Variants in ANKRD53 observed in about 807,000 individuals in gnomAD.
The protein encoded by ANKRD53 is ankyrin repeat domain-containing protein 53.
In ANKRD53, 27 loss-of-function variants were observed where a neutral mutation model predicts 30.1. That is an observed-to-expected ratio of 0.90 (90% confidence interval 0.66 to 1.24). The LOEUF (loss-of-function observed/expected upper bound fraction) is 1.24. Ranked by LOEUF, ANKRD53 falls within the 50% of genes most tolerant of loss-of-function variation. The pLI, the probability that ANKRD53 is intolerant of heterozygous loss-of-function variation, is 0.00. For missense variants in ANKRD53, 682 were observed against 721.0 expected (o/e 0.95, Z 0.62); for synonymous variants, 286 against 295.4 (o/e 0.97, Z 0.33).
At position 70,985,021 on chromosome 2, in the gene ANKRD53, A is replaced by G; in HGVS notation, c.1314A>G (p.Thr438=). The change falls in exon 6 of 6, where the codon ACA becomes ACG. Residue 438 remains threonine (T), a synonymous_variant. Coordinates refer to ENST00000360589, the MANE Select transcript of ANKRD53 (RefSeq NM_001115116.2). ...PDGHGGARLH[T]VDGHWVAPVP... Reference sequence around the variant, plus strand: ...GGCACGGCGGTGCGCGGCTGCACACAGTGGACGGCCACTGGGTGGCGCCCG... The same window carrying G: ...GGCACGGCGGTGCGCGGCTGCACACGGTGGACGGCCACTGGGTGGCGCCCG... 6.5e-7 allele frequency: 1 copy of G among 1,549,316 alleles called. No individual in the cohort carries two copies. The highest frequency in any genetic ancestry group is 8.7e-7 in the Non-Finnish European group (1 of 1,146,612).
chr2:70,980,272 G>A (rs1414582919), intron 3 of ANKRD53, among the ~76,000 whole-genome samples: 1 of 140,762 alleles, frequency 7.1e-6, no homozygotes, highest in Admixed American at 7.3e-5. Flanking sequence ...CTGAGATGGT[G>A]CCATTGCACT....
At position 70,982,965 on chromosome 2, in the gene ANKRD53, C is replaced by T. The variant is rs746198521; in HGVS notation, c.903+268C>T. ...GTATTTCTGGGCCCCTCCTAGTGTA[C>T]TGCCTCTTTCAGGATGAGAACCTTC... On this transcript the variant is annotated intron_variant, in intron 5 of 5. Transcript: ENST00000360589. The surrounding 1 kb of genome is among the most constrained non-coding windows in gnomAD (Gnocchi z 4.2). Among the ~76,000 whole-genome samples, 1 of 152,258 alleles carries T rather than the reference C, an allele frequency of 6.6e-6. No individual in the cohort carries two copies. Among genetic ancestry groups the T allele is most frequent in the Non-Finnish European group, 1.5e-5 (1 of 68,052 alleles).
In ANKRD53 at chr2:70,979,440, T is replaced by C; in HGVS notation, c.417+97T>C. The C allele has an allele frequency of 3.2e-6, 5 of 1,552,468 alleles. No individual in the cohort carries two copies. In the South Asian group the frequency reaches 6.1e-5, roughly 19 times the overall value. ...GAAGAGATATCCTTTTCTGGGTAGATCTTCCTAATTTAACTCATCTTCTGG... is the reference window on the plus strand; with the variant it reads ...GAAGAGATATCCTTTTCTGGGTAGACCTTCCTAATTTAACTCATCTTCTGG... On this transcript the variant is annotated intron_variant, in intron 2 of 5. Transcript: ENST00000360589.
In ANKRD53 at chr2:70,984,604, G is replaced by A; in HGVS notation, c.904-7G>A. 6.2e-7 allele frequency: 1 copy of A among 1,613,500 alleles called. No individual in the cohort carries two copies. Among genetic ancestry groups the A allele is most frequent in the Non-Finnish European group, 8.5e-7 (1 of 1,179,596 alleles). On this transcript the variant is annotated splice_region_variant and splice_polypyrimidine_tract_variant and intron_variant, in intron 5 of 5. Transcript: ENST00000360589. ...CCATGACTCTCTTGTGCCCTCTGTT[G>A]TTGCAGAAAGAGCACAAAATTCTCA...
intron 3 of ANKRD53, among the ~76,000 whole-genome samples, chr2:70,980,310 C>T (rs1310246907): frequency 2.3e-5 from 3 of 128,234 alleles, no homozygotes; most frequent in Admixed American, 1.7e-4. Context: ...AGCGAGACTC[C>T]GTCTCAACAA....
upstream of ANKRD53, chr2:70,978,626 G>GT (rs1553422773): frequency 2.0e-6 from 3 of 1,516,848 alleles, no homozygotes; most frequent in Non-Finnish European, 8.8e-7. The surrounding 1 kb of genome is among the most constrained non-coding windows in gnomAD (Gnocchi z 4.3). Flanking sequence ...CCCGGCCCGG[G>GT]TCCGAGTTCC....
chr2:70,983,178 G>T (rs1670063117), intron 5 of ANKRD53, among the ~76,000 whole-genome samples: 1 of 152,190 alleles, frequency 6.6e-6, no homozygotes, highest in African/African-American at 2.4e-5. Context: ...CAGGTTACAG[G>T]CCCATCAAGG....
Position 70,979,161 on chromosome 2 carries a change from C to A in ANKRD53, c.235C>A (p.Arg79Ser). 1 of 1,611,270 alleles carries A rather than the reference C, an allele frequency of 6.2e-7. No homozygotes were observed. The highest frequency in any genetic ancestry group is 8.5e-7 in the Non-Finnish European group (1 of 1,179,224). The part of the protein sequence containing the change: ...AQATALARPR[R>S]PASLTPPRAD... ...GGCGACTGCCCTCGCCAGGCCGCGC[C>A]GCCCTGCCTCGCTCACCCCGCCCCG... is the stretch of plus-strand genomic sequence containing the variant. The change falls in exon 2 of 6, where the codon CGC (arginine) becomes AGC (serine). Residue 79 changes from arginine (R) to serine (S), a missense_variant. Arg to Ser is a moderately radical substitution (Grantham distance 110). Transcript: ENST00000360589.
In ANKRD53 at chr2:70,982,431, G is replaced by A. The variant is rs547061469; in HGVS notation, c.783-146G>A. ...AGGAAGTAGGGAGCCAGAGGGCCCC[G>A]GGCAATGGGGATGGCTCATCTTGCT... On this transcript the variant is annotated intron_variant, in intron 4 of 5. Transcript: ENST00000360589. The surrounding 1 kb of genome is among the most constrained non-coding windows in gnomAD (Gnocchi z 4.2). The A allele has an allele frequency of 2.4e-5, 28 of 1,161,592 alleles. No homozygotes were observed. The highest frequency in any genetic ancestry group is 2.9e-5 in the Non-Finnish European group (24 of 826,578). The allele number at this position is 1,161,592 out of a possible 1,614,324, so 72.0% of individuals were successfully genotyped here. A position where few individuals can be genotyped will look rare whatever the true frequency, so the allele number is the denominator to read the frequency against.
rs1670051295 is a variant in ANKRD53 at position 70,982,805 on chromosome 2, T to A, written c.903+108T>A. The A allele has an allele frequency of 2.1e-6, 3 of 1,441,428 alleles. No individual in the cohort carries two copies. Among genetic ancestry groups the A allele is most frequent in the Non-Finnish European group, 2.8e-6 (3 of 1,076,060 alleles). The allele number at this position is 1,441,428 out of a possible 1,614,324, so 89.3% of individuals were successfully genotyped here. ...GGAGTGGCTAGAAGCACTCCCACCC[T>A]GAAAGAGCCACCCTTTCGCCTGTAC... On this transcript the variant is annotated intron_variant, in intron 5 of 5. Transcript: ENST00000360589. The surrounding 1 kb of genome is among the most constrained non-coding windows in gnomAD (Gnocchi z 4.2).
chr2:70,982,470 C>T lies in ANKRD53; in HGVS notation c.783-107C>T. 6.7e-7 allele frequency: 1 copy of T among 1,490,220 alleles called. No individual in the cohort carries two copies. The highest frequency in any genetic ancestry group is 9.1e-7 in the Non-Finnish European group (1 of 1,094,262). The allele number at this position is 1,490,220 out of a possible 1,614,324, so 92.3% of individuals were successfully genotyped here. A position where few individuals can be genotyped will look rare whatever the true frequency, so the allele number is the denominator to read the frequency against. On this transcript the variant is annotated intron_variant, in intron 4 of 5. Transcript: ENST00000360589. This position sits in a 1 kb window ranked among gnomAD's most constrained non-coding sequence, Gnocchi z 4.2. ...GCTCATCTTGCTCCTCTCCCTCTGGCCACTCCCCTCATCCCCATCCAAGCC... is the reference window on the plus strand; with the variant it reads ...GCTCATCTTGCTCCTCTCCCTCTGGTCACTCCCCTCATCCCCATCCAAGCC...
At chr2:70,984,437 C>T in intron 5 of ANKRD53, 174 bp from the exon 6 acceptor site, 2 of 985,426 alleles carry the variant, frequency 2.0e-6, no homozygotes, top group Non-Finnish European at 2.4e-6. Flanking sequence ...GGAACACCGG[C>T]TCCCATAAGG....
At position 70,981,789 on chromosome 2, in the gene ANKRD53, G is replaced by A. The variant is rs77905443; in HGVS notation, c.618-147G>A. 1.5e-3 allele frequency: 1,174 copies of A among 791,434 alleles called. 9 individuals are homozygous for A. In the African/African-American group the frequency reaches 0.015, roughly 10 times the overall value. The allele number at this position is 791,434 out of a possible 1,614,324, so 49.0% of individuals were successfully genotyped here. A position where few individuals can be genotyped will look rare whatever the true frequency, so the allele number is the denominator to read the frequency against. On this transcript the variant is annotated intron_variant, in intron 3 of 5. Coordinates refer to ENST00000360589, the MANE Select transcript of ANKRD53 (RefSeq NM_001115116.2). ...TCCCTTTACAGTAAAGGAAATTGAG[G>A]TGCCAAAAGGGACAGACATAGCTAG...
At position 70,984,992 on chromosome 2, in the gene ANKRD53, G is replaced by C. The variant is rs1670136487; in HGVS notation, c.1285G>C (p.Asp429His). 2 of 1,549,564 alleles carry C rather than the reference G, an allele frequency of 1.3e-6. No homozygotes were observed. The highest frequency in any genetic ancestry group is 1.4e-5 in the African/African-American group (1 of 73,054). Residue 429 changes from aspartate to histidine, a missense_variant, in exon 6 of 6, where the codon GAT (aspartate) becomes CAT (histidine). Transcript: ENST00000360589. ...DFSSFLEVRP[D>H]GHGGARLHTV... is the part of the protein sequence containing the mutation. Reference sequence around the variant, plus strand: ...CAGCAGCTTCCTGGAGGTGAGGCCTGATGGGCACGGCGGTGCGCGGCTGCA... The same window carrying C: ...CAGCAGCTTCCTGGAGGTGAGGCCTCATGGGCACGGCGGTGCGCGGCTGCA...
chr2:70,981,884 G>A, intron 3 of ANKRD53, 52 bp from the exon 4 acceptor site: 1 of 1,486,894 alleles, frequency 6.7e-7, no homozygotes, highest in Non-Finnish European at 9.0e-7. Flanking sequence ...ATGGACAGAT[G>A]CTCTTTGTCT....
Position 70,978,827 on chromosome 2 carries a change from GAGA to G in ANKRD53, c.170+15_170+17del, listed in dbSNP as rs1553422886. On this transcript the variant is annotated intron_variant, in intron 1 of 5. Coordinates refer to ENST00000360589, the MANE Select transcript of ANKRD53 (RefSeq NM_001115116.2). This position sits in a 1 kb window ranked among gnomAD's most constrained non-coding sequence, Gnocchi z 4.3. ...TCCAAGCAGCCCAGGTGGGTAGCGG[GAGA>G]AGGTGTCCCGGCTGCAGGGAGCGAG... 5.1e-6 allele frequency: 8 copies of G among 1,555,468 alleles called. No homozygotes were observed. The highest frequency in any genetic ancestry group is 2.4e-5 in the East Asian group (1 of 41,814).
chr2:70,981,995 G>GTGTGAAGGTCC lies in ANKRD53; in HGVS notation c.680_690dup (p.Val231Ter), dbSNP rs1553423692. Reference sequence around the variant, plus strand: ...GCAGCCCGTGACGGCTTGCTGGACTGTGTGAAGGTCCTGGTGCAGAGTGGC... The same window carrying GTGTGAAGGTCC: ...GCAGCCCGTGACGGCTTGCTGGACTGTGTGAAGGTCCTGTGAAGGTCCTGGTGCAGAGTGGC... On this transcript the variant is annotated frameshift_variant, in exon 4 of 6. Coordinates refer to ENST00000360589, the MANE Select transcript of ANKRD53 (RefSeq NM_001115116.2). LOFTEE classifies it high-confidence loss of function. 1.2e-6 allele frequency: 2 copies of GTGTGAAGGTCC among 1,613,510 alleles called. No individual in the cohort carries two copies. The highest frequency in any genetic ancestry group is 1.7e-6 in the Non-Finnish European group (2 of 1,179,742).
chr2:70,981,794 A>G (rs1670016214), intron 3 of ANKRD53, 142 bp from the exon 4 acceptor site: 2 of 889,082 alleles, frequency 2.2e-6, no homozygotes, highest in East Asian at 5.9e-5. Context: ...TTGAGGTGCC[A>G]AAAGGGACAG....
rs782526353 is a variant in ANKRD53 at position 70,982,097 on chromosome 2, C to T, written c.779C>T (p.Ala260Val). The stretch of plus-strand genomic sequence containing the variant: ...AAAATATGGAACCACCGTGCCTGTG[C>T]CCGGTGAGAGTGTGAGAACCACCTG... ...FCKIWNHRAC[A>V]RFLKDAMWKK... The change falls in exon 4 of 6, where the codon GCC becomes GTC. Residue 260 changes from alanine (A) to valine (V), a missense_variant. Transcript: ENST00000360589. This position sits in a 1 kb window ranked among gnomAD's most constrained non-coding sequence, Gnocchi z 4.2. The T allele has an allele frequency of 3.7e-6, 6 of 1,602,850 alleles. No homozygotes were observed. Among genetic ancestry groups the T allele is most frequent in the Non-Finnish European group, 5.1e-6 (6 of 1,173,966 alleles).
Sources: allele counts gnomAD v4.1 joint callset (sites outside exome capture counted in the v4.1 genomes callset), GRCh38; gene constraint gnomAD v4.1.1; non-coding constraint Gnocchi (gnomAD v3.1); transcripts MANE v1.5; gene names NCBI Gene and HGNC (gene_info 2026-07-23, HGNC 2026-07-21).